Variants in VPS13A observed in about 807,000 individuals in gnomAD.
VPS13A encodes the protein vacuolar protein sorting 13 homolog A.
In VPS13A, 264 loss-of-function variants were observed where a neutral mutation model predicts 390.9. The ratio of observed to expected loss-of-function variants is 0.68; its 90% CI spans 0.61 to 0.75. The LOEUF is 0.75. Among genes scored for constraint, VPS13A ranks in the 30% least tolerant of loss-of-function variants. VPS13A has a pLI of 0.00. For missense variants in VPS13A, 3,409 were observed against 3,733.9 expected (o/e 0.91, Z 2.27); for synonymous variants, 1,231 against 1,227.1 (o/e 1.00, Z -0.07).
In VPS13A at chr9:77,226,482, A is replaced by T; in HGVS notation, c.1241A>T (p.Tyr414Phe). 6.2e-7 allele frequency: 1 copy of T among 1,610,626 alleles called. No individual in the cohort carries two copies. Among genetic ancestry groups the T allele is most frequent in the Non-Finnish European group, 8.5e-7 (1 of 1,177,152 alleles). The part of the protein sequence containing the change: ...TAEVEVKKAG[Y>F]KIYKEGVKDP... Reference sequence around the variant, plus strand: ...TCATTTTAGGTAAAGAAAGCTGGATACAAAATTTACAAAGAAGGAGTAAAA... The same window carrying T: ...TCATTTTAGGTAAAGAAAGCTGGATTCAAAATTTACAAAGAAGGAGTAAAA... Residue 414 changes from tyrosine to phenylalanine, a missense_variant, in exon 15 of 72, where the codon TAC (tyrosine) becomes TTC (phenylalanine). Physicochemically the swap from Tyr to Phe is conservative, Grantham distance 22. This residue lies in a region of VPS13A where 2,717 missense variants were observed against 2,917.4 expected (regional missense o/e 0.93). Coordinates refer to ENST00000360280, the MANE Select transcript of VPS13A (RefSeq NM_033305.3).
At chr9:77,252,408 G>A in intron 22 of VPS13A, 56 bp downstream of exon 22, 1 of 1,362,346 alleles carries the variant, frequency 7.3e-7, no homozygotes, top group Non-Finnish European at 1.1e-6. Context: ...CTGTAGCTAG[G>A]GAAATACCAT....
intron 20 of VPS13A, among the ~76,000 whole-genome samples, chr9:77,248,831 A>G (rs1369657963): frequency 6.6e-6 from 1 of 151,902 alleles, no homozygotes; most frequent in African/African-American, 2.4e-5. Context: ...TCCCGAGTTC[A>G]AGTGATTCTT....
intron 71 of VPS13A, among the ~76,000 whole-genome samples, chr9:77,412,919 A>G (rs1259517598): frequency 2.6e-5 from 4 of 152,186 alleles, no homozygotes; most frequent in African/African-American, 7.2e-5. Context: ...TACAAAATCA[A>G]TGTGCAAAAA....
chr9:77,292,260 T>C (rs1003537223), intron 31 of VPS13A, among the ~76,000 whole-genome samples: 2 of 152,288 alleles, frequency 1.3e-5, no homozygotes, highest in East Asian at 1.9e-4. Context: ...TCCACACTTA[T>C]CCTTTATCAT....
intron 1 of VPS13A, among the ~76,000 whole-genome samples, chr9:77,192,892 G>A (rs926066052): frequency 1.3e-5 from 2 of 152,136 alleles, no homozygotes; most frequent in East Asian, 1.9e-4. Flanking sequence ...AACCTCTCTA[G>A]CTAGGATGGG....
chr9:77,380,037 T>C (rs1310937900), intron 67 of VPS13A, among the ~76,000 whole-genome samples: 1 of 152,158 alleles, frequency 6.6e-6, no homozygotes, highest in Non-Finnish European at 1.5e-5. Flanking sequence ...TTTTATTAGC[T>C]GCTTATATGT....
At chr9:77,378,514 A>G (rs1031201640) in intron 67 of VPS13A, among the ~76,000 whole-genome samples, 1 of 151,862 alleles carries the variant, frequency 6.6e-6, no homozygotes, top group Non-Finnish European at 1.5e-5. Flanking sequence ...ATTCCCTTAT[A>G]ATTATTTTTT....
chr9:77,415,448 A>G (rs1835133602), intron 71 of VPS13A, among the ~76,000 whole-genome samples: 2 of 152,322 alleles, frequency 1.3e-5, no homozygotes, highest in South Asian at 2.1e-4. Flanking sequence ...CCCAATAATA[A>G]TAGACATTAC....
intron 67 of VPS13A, among the ~76,000 whole-genome samples, chr9:77,374,216 A>G (rs543925631): frequency 3.5e-4 from 53 of 152,322 alleles, no homozygotes; most frequent in African/African-American, 1.1e-3. Flanking sequence ...AACCTTGGAC[A>G]GTACTTAGCC....
At chr9:77,377,103 T>A (rs1405824265) in intron 67 of VPS13A, among the ~76,000 whole-genome samples, 2 of 152,174 alleles carry the variant, frequency 1.3e-5, no homozygotes, top group Non-Finnish European at 2.9e-5. Context: ...TTTCCATTTA[T>A]TTAGGTCTTC....
At chr9:77,400,214 ATCAG>A (rs1386551580) in intron 68 of VPS13A, among the ~76,000 whole-genome samples, 5 of 117,582 alleles carry the variant, frequency 4.3e-5, no homozygotes, top group African/African-American at 1.2e-4. Context: ...TCTCATGTTT[ATCAG>A]TCAGATTTTT....
chr9:77,389,508 A>G (rs190735331), intron 68 of VPS13A, among the ~76,000 whole-genome samples: 7 of 152,008 alleles, frequency 4.6e-5, no homozygotes, highest in Non-Finnish European at 8.8e-5. Flanking sequence ...GGGTCTTGCT[A>G]TGTGGCCCGG....
At chr9:77,395,266 A>G (rs1204234204) in intron 68 of VPS13A, among the ~76,000 whole-genome samples, 1 of 152,132 alleles carries the variant, frequency 6.6e-6, no homozygotes, top group Non-Finnish European at 1.5e-5. Context: ...CCTAATTTCA[A>G]TATTGTTGTT....
intron 23 of VPS13A, among the ~76,000 whole-genome samples, chr9:77,261,106 G>C (rs1435356650): frequency 2.0e-5 from 3 of 151,422 alleles, no homozygotes; most frequent in Non-Finnish European, 2.9e-5. Context: ...TCACCATCTT[G>C]GCCAGGCTGG....
In VPS13A at chr9:77,318,486, A is replaced by C; in HGVS notation, c.5208A>C (p.Gly1736=). 6.2e-7 allele frequency: 1 copy of C among 1,614,000 alleles called. No individual in the cohort carries two copies. The highest frequency in any genetic ancestry group is 8.5e-7 in the Non-Finnish European group (1 of 1,179,922). ...IDSIFIVLEA[G]IGHRTVPMLL... ...CTATTTTTATAGTTCTTGAGGCTGG[A>C]ATTGGTCATAGAACAGTACCTATGC... The change falls in exon 41 of 72, where the codon GGA becomes GGC. Residue 1736 remains glycine (G), a synonymous_variant. Coordinates refer to ENST00000360280, the MANE Select transcript of VPS13A (RefSeq NM_033305.3).
chr9:77,260,298 A>AAT, intron 23 of VPS13A, 74 bp downstream of exon 23: 1 of 1,501,702 alleles, frequency 6.7e-7, no homozygotes. Flanking sequence ...CAATCACAGG[A>AAT]ATTTTATATA....
At chr9:77,260,759 C>CA (rs1392725542) in intron 23 of VPS13A, among the ~76,000 whole-genome samples, 1 of 152,106 alleles carries the variant, frequency 6.6e-6, no homozygotes, top group Non-Finnish European at 1.5e-5. Flanking sequence ...AGCCTCCAAT[C>CA]CCTCTCCTGA....
At chr9:77,198,639 T>C (rs114840631) in intron 1 of VPS13A, among the ~76,000 whole-genome samples, 3,479 of 152,192 alleles carry the variant, frequency 0.023, 111 homozygotes, top group East Asian at 0.12. Context: ...CACGTACTTT[T>C]ATTTTTTTTG....
At chr9:77,287,120 C>T (rs1827372405) in intron 31 of VPS13A, among the ~76,000 whole-genome samples, 2 of 148,154 alleles carry the variant, frequency 1.3e-5, no homozygotes, top group Non-Finnish European at 3.0e-5. Flanking sequence ...ACAATTTATA[C>T]ATTAATATAT....
Sources: allele counts gnomAD v4.1 joint callset (sites outside exome capture counted in the v4.1 genomes callset), GRCh38; gene constraint gnomAD v4.1.1; regional missense constraint gnomAD v4.1.1; transcripts MANE v1.5; gene names NCBI Gene and HGNC (gene_info 2026-07-23, HGNC 2026-07-21).